MED13L: variants seen among roughly 807,000 people sequenced by gnomAD.
MED13L encodes the protein mediator of RNA polymerase II transcription subunit 13-like.
Under a neutral mutation model 220.9 loss-of-function variants are expected in MED13L, and 7 were observed. The ratio of observed to expected loss-of-function variants is 0.03; its 90% confidence interval spans 0.02 to 0.06. The LOEUF (loss-of-function observed/expected upper bound fraction) is 0.06, where lower values mean the gene tolerates loss of function less well. Among genes scored for constraint, MED13L ranks in the 10% least tolerant of loss-of-function variants. The pLI is 1.00. For synonymous variants in MED13L, 1,011 were observed against 1,015.2 expected, an observed-to-expected ratio of 1.00 and a Z score of 0.08; for missense variants, 1,965 against 2,760.5, an observed-to-expected ratio of 0.71 and a Z score of 6.46.
chr12:116,168,023 C>T (rs567551133), intron 2 of MED13L, among the ~76,000 whole-genome samples: 2 of 152,046 alleles, frequency 1.3e-5, no homozygotes, highest in African/African-American at 2.4e-5. Context: ...TATAGTGATT[C>T]GCCACATGCA....
chr12:116,116,640 T>C (rs1874545584), intron 2 of MED13L, among the ~76,000 whole-genome samples: 1 of 151,814 alleles, frequency 6.6e-6, no homozygotes, highest in African/African-American at 2.4e-5. Flanking sequence ...GCTTTGGAGG[T>C]CCAGACTTAC....
chr12:116,071,452 G>A (rs1870364240), intron 4 of MED13L, among the ~76,000 whole-genome samples: 2 of 152,172 alleles, frequency 1.3e-5, no homozygotes, highest in African/African-American at 4.8e-5. Context: ...TTGAGACAGA[G>A]TTTCACTCTT....
Position 116,103,999 on chromosome 12 carries a change from C to CTTTTTTTTTTTTTTTT in MED13L, c.396-7263_396-7248dup, listed in dbSNP as rs36066243. On this transcript the variant is annotated intron_variant, in intron 3 of 30. Coordinates refer to ENST00000281928, the MANE Select transcript of MED13L (RefSeq NM_015335.5). ...CACCACCACATCCAAGGACATTGCTCTTTTTTTTTTTTTTTTTTTTTTTTT... is the reference window on the plus strand; with the variant it reads ...CACCACCACATCCAAGGACATTGCTCTTTTTTTTTTTTTTTTTTTTTTTTTTTTTTTTTTTTTTTTT... 4.2e-4 allele frequency among the ~76,000 whole-genome samples: 24 copies of CTTTTTTTTTTTTTTTT among 57,464 alleles called. 2 individuals carry two copies. The highest frequency in any genetic ancestry group is 4.6e-4 in the African/African-American group (6 of 13,036). 37.7% of individuals were successfully genotyped at this position (57,464 alleles called of 152,430 possible).
At chr12:116,016,448 T>C (rs999139874) in intron 7 of MED13L, among the ~76,000 whole-genome samples, 1 of 152,176 alleles carries the variant, frequency 6.6e-6, no homozygotes, top group African/African-American at 2.4e-5. Flanking sequence ...GCAAAAGAAT[T>C]AATTTCAATT....
chr12:116,035,581 C>CTTAT (rs1308505933), intron 4 of MED13L, among the ~76,000 whole-genome samples: 5 of 151,852 alleles, frequency 3.3e-5, no homozygotes, highest in Non-Finnish European at 7.4e-5. Flanking sequence ...AAACTATATT[C>CTTAT]TTATTAATTA....
At chr12:116,200,079 CA>C (rs36110388) in intron 2 of MED13L, among the ~76,000 whole-genome samples, 81,612 of 117,236 alleles carry the variant, frequency 0.7, 25,378 homozygotes, top group East Asian at 0.93. Flanking sequence ...GGATGCTTTT[CA>C]AAAAAAAAAA....
At chr12:116,161,359 C>CTTT (rs1878839077) in intron 2 of MED13L, among the ~76,000 whole-genome samples, 1 of 152,106 alleles carries the variant, frequency 6.6e-6, no homozygotes, top group Non-Finnish European at 1.5e-5. Flanking sequence ...GTTTGAAAAT[C>CTTT]TAAAGAGTTT....
intron 4 of MED13L, among the ~76,000 whole-genome samples, chr12:116,083,305 G>A (rs942716207): frequency 6.0e-5 from 9 of 149,928 alleles, no homozygotes; most frequent in African/African-American, 2.2e-4. Context: ...TCAGGAGGCT[G>A]AGGCATGAGG....
chr12:116,276,831 G>C, intron 1 of MED13L: 1 of 1,081,232 alleles, frequency 9.2e-7, no homozygotes, highest in Non-Finnish European at 1.3e-6. Context: ...ATTCCACGCC[G>C]AGCGCCGCGC....
chr12:116,179,214 T>A (rs1452005576), intron 2 of MED13L, among the ~76,000 whole-genome samples: 1 of 151,420 alleles, frequency 6.6e-6, no homozygotes, highest in African/African-American at 2.4e-5. Flanking sequence ...CGTGTGTGTG[T>A]GTGTGTGTGT....
chr12:115,978,688 TA>T (rs1216335974), intron 23 of MED13L, among the ~76,000 whole-genome samples: 6 of 152,216 alleles, frequency 3.9e-5, no homozygotes, highest in Admixed American at 1.3e-4. Context: ...ATAAAGCTGT[TA>T]TTAAAGCAAG....
At chr12:116,059,607 G>A (rs960035026) in intron 4 of MED13L, among the ~76,000 whole-genome samples, 33 of 151,934 alleles carry the variant, frequency 2.2e-4, no homozygotes, top group African/African-American at 7.2e-4. Flanking sequence ...TAATAGAGAC[G>A]GGGTTTCACC....
intron 4 of MED13L, among the ~76,000 whole-genome samples, chr12:116,084,216 G>C (rs902948195): frequency 7.9e-5 from 12 of 152,176 alleles, no homozygotes; most frequent in African/African-American, 2.7e-4. Context: ...GGAAAAGGGT[G>C]AGCCTTTCCA....
chr12:116,078,406 G>A (rs1030004446), intron 4 of MED13L, among the ~76,000 whole-genome samples: 5 of 152,068 alleles, frequency 3.3e-5, no homozygotes, highest in African/African-American at 4.8e-5. Context: ...ATTAGTGAAA[G>A]CAGAATAAAT....
At chr12:116,228,768 C>T (rs1368771814) in intron 2 of MED13L, among the ~76,000 whole-genome samples, 1 of 152,130 alleles carries the variant, frequency 6.6e-6, no homozygotes, top group Non-Finnish European at 1.5e-5. Flanking sequence ...AATTCTTTCT[C>T]GAATTATTTA....
At chr12:116,146,736 T>C (rs1167851115) in intron 2 of MED13L, among the ~76,000 whole-genome samples, 1 of 151,906 alleles carries the variant, frequency 6.6e-6, no homozygotes, top group Admixed American at 6.6e-5. Context: ...AGCATGGTGG[T>C]CCACACCTAT....
chr12:116,256,120 T>C (rs895218731), intron 1 of MED13L, among the ~76,000 whole-genome samples: 3 of 152,208 alleles, frequency 2.0e-5, no homozygotes, highest in Non-Finnish European at 4.4e-5. Flanking sequence ...ACTCATGGGA[T>C]ATTAAATGAT....
At chr12:116,205,612 G>A (rs993147098) in intron 2 of MED13L, among the ~76,000 whole-genome samples, 1 of 151,204 alleles carries the variant, frequency 6.6e-6, no homozygotes, top group Admixed American at 6.6e-5. Context: ...GCCAGAGGGA[G>A]GGAGAAACTG....
rs890818041 is a variant in MED13L at position 115,987,962 on chromosome 12, CTG to C, written c.3935-676_3935-675del. On this transcript the variant is annotated intron_variant, in intron 17 of 30. Transcript: ENST00000281928. Reference sequence around the variant, plus strand: ...AAAGTTGTCTGAACTCCATGCAAAACTGTGCAAGCACGCTTGGACATACGTAT... The same window carrying C: ...AAAGTTGTCTGAACTCCATGCAAAACTGCAAGCACGCTTGGACATACGTAT... 1.6e-4 allele frequency among the ~76,000 whole-genome samples: 24 copies of C among 152,294 alleles called. 3 individuals carry two copies. The highest frequency in any genetic ancestry group is 5.5e-4 in the African/African-American group (23 of 41,570).
Sources: gnomAD v4.1 joint callset for allele counts (sites outside exome capture counted in the v4.1 genomes callset) on GRCh38, gnomAD v4.1.1 for gene constraint, MANE v1.5 for transcripts, NCBI Gene and HGNC (gene_info 2026-07-23, HGNC 2026-07-21) for gene names.